C12orf42: variants seen among roughly 807,000 people sequenced by gnomAD.
The protein encoded by C12orf42 is uncharacterized protein C12orf42.
C12orf42 carries 25 observed loss-of-function variants against 21.6 expected under a neutral mutation model. That is an observed-to-expected ratio of 1.16 (90% CI 0.84 to 1.62). The LOEUF (loss-of-function observed/expected upper bound fraction) is 1.62, where lower values mean the gene tolerates loss of function less well. C12orf42 is among the 40% of genes most tolerant of loss of function. C12orf42 has a pLI of 0.00. For missense variants in C12orf42, 483 were observed against 459.3 expected (o/e 1.05, Z -0.47); for synonymous variants, 174 against 175.0 (o/e 0.99, Z 0.05).
At chr12:103,232,804 C>T (rs181944867), downstream of C12orf42, among the ~76,000 whole-genome samples, 1 of 151,570 alleles carries the variant, frequency 6.6e-6, no homozygotes, top group African/African-American at 2.4e-5. Context: ...GTAAGGTCTG[C>T]GTCTAGGTTC....
intron 10 of C12orf42, among the ~76,000 whole-genome samples, chr12:103,238,931 G>A (rs539366281): frequency 4.6e-5 from 7 of 152,330 alleles, no homozygotes; most frequent in African/African-American, 1.7e-4. Flanking sequence ...CCCTGGTACT[G>A]CAGATGTCGA....
At chr12:103,093,180 T>C in the C12orf42 span, among the ~76,000 whole-genome samples, 1 of 152,214 alleles carries the variant, frequency 6.6e-6, no homozygotes, top group Non-Finnish European at 1.5e-5. Flanking sequence ...ACACCTGGTT[T>C]CTTATTTTTC....
the C12orf42 span, among the ~76,000 whole-genome samples, chr12:103,556,754 T>G: frequency 3.3e-5 from 5 of 152,140 alleles, no homozygotes; most frequent in African/African-American, 1.2e-4. Context: ...TGACCTTATT[T>G]GGACAAAGCA....
At chr12:103,048,176 G>T in the C12orf42 span, among the ~76,000 whole-genome samples, 1 of 151,134 alleles carries the variant, frequency 6.6e-6, no homozygotes, top group Non-Finnish European at 1.5e-5. Context: ...TGGAAAGGGG[G>T]CCAACAGCAA....
chr12:103,183,821 T>C, the C12orf42 span, among the ~76,000 whole-genome samples: 2 of 152,244 alleles, frequency 1.3e-5, no homozygotes, highest in African/African-American at 2.4e-5. Context: ...TCCTCTGTGA[T>C]CTATGGATTA....
chr12:103,348,319 C>T lies in C12orf42; in HGVS notation c.259+20568G>A, dbSNP rs536198062. On this transcript the variant is annotated intron_variant, in intron 4 of 5. Transcript: ENST00000548883. ...AAACTTTCTTATAATTCGTGAGTAC[C>T]GGAAAACAAGACAAGGAAGATCCTA... 2.2e-4 allele frequency among the ~76,000 whole-genome samples: 33 copies of T among 152,126 alleles called. No homozygotes were observed. The South Asian group carries it at 4.6e-3, about 21-fold the overall frequency.
chr12:103,470,886 C>T (rs1565880989), intron 2 of C12orf42, among the ~76,000 whole-genome samples: 1 of 152,114 alleles, frequency 6.6e-6, no homozygotes, highest in African/African-American at 2.4e-5. Context: ...CAGATCATTC[C>T]AGTCCCCAGC....
intron 1 of C12orf42, among the ~76,000 whole-genome samples, chr12:103,486,852 T>C (rs1954868640): frequency 6.6e-6 from 1 of 152,188 alleles, no homozygotes. Flanking sequence ...CTTCTCTCTT[T>C]TCTTATTAGT....
chr12:103,390,181 G>T (rs1215315367), intron 3 of C12orf42, among the ~76,000 whole-genome samples: 1 of 152,056 alleles, frequency 6.6e-6, no homozygotes, highest in African/African-American at 2.4e-5. Flanking sequence ...AGTCATGGTT[G>T]CATCCCCAGT....
At chr12:103,316,007 G>A (rs1406096504) in intron 4 of C12orf42, among the ~76,000 whole-genome samples, 1 of 149,398 alleles carries the variant, frequency 6.7e-6, no homozygotes, top group Non-Finnish European at 1.5e-5. Flanking sequence ...CAGACAAAAT[G>A]CTTTTATGTA....
intron 2 of C12orf42, among the ~76,000 whole-genome samples, chr12:103,467,734 A>G (rs1268388747): frequency 2.6e-5 from 4 of 152,170 alleles, no homozygotes; most frequent in African/African-American, 9.7e-5. Flanking sequence ...AATTTAAAAG[A>G]TTTGTTTTTC....
the C12orf42 span, among the ~76,000 whole-genome samples, chr12:103,195,903 GT>G: frequency 6.6e-6 from 1 of 151,970 alleles, no homozygotes; most frequent in Non-Finnish European, 1.5e-5. Context: ...TGCCTCTGGG[GT>G]TTTCATAGTT....
chr12:103,314,253 T>C (rs2039249070), intron 4 of C12orf42, among the ~76,000 whole-genome samples: 1 of 151,518 alleles, frequency 6.6e-6, no homozygotes, highest in African/African-American at 2.4e-5. Flanking sequence ...ACAGGAGAGG[T>C]GTTGGGATGT....
chr12:103,431,077 T>G (rs757821205), intron 2 of C12orf42: 10 of 135,224 alleles, frequency 7.4e-5, no homozygotes, highest in Non-Finnish European at 1.6e-4. Context: ...CAAACCTGCA[T>G]GTTCTGCACA....
intron 4 of C12orf42, among the ~76,000 whole-genome samples, chr12:103,344,161 G>C (rs1404686911): frequency 2.0e-5 from 3 of 152,114 alleles, no homozygotes; most frequent in Non-Finnish European, 4.4e-5. Context: ...TTTCATTGTT[G>C]TTATACAATA....
At chr12:103,171,322 A>G in the C12orf42 span, among the ~76,000 whole-genome samples, 1 of 152,150 alleles carries the variant, frequency 6.6e-6, no homozygotes, top group South Asian at 2.1e-4. Flanking sequence ...AGTAACTTCT[A>G]TGAGGGCAGA....
At chr12:103,311,478 A>G (rs1026614499) in intron 4 of C12orf42, among the ~76,000 whole-genome samples, 7 of 152,142 alleles carry the variant, frequency 4.6e-5, no homozygotes, top group Admixed American at 2.0e-4. Flanking sequence ...GGTTACCTCT[A>G]TGATACAACT....
At chr12:103,071,701 C>A in the C12orf42 span, among the ~76,000 whole-genome samples, 2 of 152,098 alleles carry the variant, frequency 1.3e-5, no homozygotes, top group African/African-American at 4.8e-5. Context: ...GACTTTGCTC[C>A]TTATTCACCT....
At chr12:103,435,438 C>T (rs1429615969) in intron 2 of C12orf42, among the ~76,000 whole-genome samples, 12 of 152,110 alleles carry the variant, frequency 7.9e-5, no homozygotes, top group East Asian at 3.9e-4. Flanking sequence ...AGGCTTCAGA[C>T]GATCAAATTA....
Sources: allele counts gnomAD v4.1 joint callset (sites outside exome capture counted in the v4.1 genomes callset), GRCh38; gene constraint gnomAD v4.1.1; transcripts MANE v1.5; gene names NCBI Gene and HGNC (gene_info 2026-07-23, HGNC 2026-07-21).